The following PRKCH variants were observed in gnomAD, a reference collection of about 807,000 sequenced individuals.
The protein encoded by PRKCH is protein kinase C eta type.
Under a neutral mutation model 82.5 loss-of-function variants are expected in PRKCH, and 28 were observed. The observed-to-expected ratio is 0.34, with a 90% CI of 0.25 to 0.47. The LOEUF (loss-of-function observed/expected upper bound fraction) is 0.47. Ranked by LOEUF, PRKCH falls within the 20% of genes least tolerant of loss-of-function variation. PRKCH has a pLI of 1.00. For missense variants in PRKCH, 705 were observed against 881.8 expected (o/e 0.80, Z 2.54); for synonymous variants, 322 against 327.4 (o/e 0.98, Z 0.18).
chr14:61,382,139 A>G (rs764973876), intron 1 of PRKCH, among the ~76,000 whole-genome samples: 1 of 152,160 alleles, frequency 6.6e-6, no homozygotes, highest in Non-Finnish European at 1.5e-5. Context: ...GTTATTAGAA[A>G]CACAGCCTCA....
At chr14:61,340,128 A>T (rs1303208439) in intron 1 of PRKCH, among the ~76,000 whole-genome samples, 1 of 151,622 alleles carries the variant, frequency 6.6e-6, no homozygotes, top group East Asian at 2.0e-4. Flanking sequence ...CTGTCTGCAG[A>T]TGCCCTTCCC....
rs189349660 is a variant in PRKCH at position 61,312,833 on chromosome 14, G to A, written c.-19+125165G>A. On this transcript the variant is annotated intron_variant, in intron 1 of 3. Coordinates refer to the PRKCH transcript ENST00000555185. Reference sequence around the variant, plus strand: ...GATTATGGGAGCTACAATTCAAGACGCGATCTGGGTGGCACACAGCCAAAC... The same window carrying A: ...GATTATGGGAGCTACAATTCAAGACACGATCTGGGTGGCACACAGCCAAAC... Among the ~76,000 whole-genome samples, 1,047 of 152,094 alleles carry A rather than the reference G, an allele frequency of 6.9e-3. 10 individuals are homozygous for A. Among genetic ancestry groups the A allele is most frequent in the Non-Finnish European group, 8.9e-3 (605 of 67,998 alleles).
At chr14:61,407,008 G>C (rs778809807) in intron 2 of PRKCH, among the ~76,000 whole-genome samples, 9 of 151,972 alleles carry the variant, frequency 5.9e-5, no homozygotes, top group Non-Finnish European at 1.0e-4. Context: ...TTTTTGATCC[G>C]GGGCTGATTT....
intron 9 of PRKCH, among the ~76,000 whole-genome samples, chr14:61,458,667 G>A (rs777679530): frequency 4.6e-5 from 7 of 152,164 alleles, no homozygotes; most frequent in East Asian, 1.9e-4. Flanking sequence ...TCCACAGGCC[G>A]TACAGGAGGC....
chr14:61,188,474 CG>C (rs1273007082), intron 1 of PRKCH, among the ~76,000 whole-genome samples: 1 of 135,348 alleles, frequency 7.4e-6, no homozygotes, highest in Non-Finnish European at 1.6e-5. Context: ...CTCGGGCAGG[CG>C]GCCTTGTGGC....
chr14:61,504,554 C>A lies in PRKCH; in HGVS notation c.1433+18898C>A, dbSNP rs148427146. ...ATACAAAGAGGTGTCTGCATTTCTA[C>A]TTTTTTTTCTTTAAGATGGTAGAAC... On this transcript the variant is annotated intron_variant, in intron 10 of 13. Transcript: ENST00000332981. Among the ~76,000 whole-genome samples the A allele has an allele frequency of 6.2e-3, 940 of 152,142 alleles. 20 individuals are homozygous for A. The highest frequency in any genetic ancestry group is 0.022 in the African/African-American group (893 of 41,480).
In PRKCH at chr14:61,389,872, T is replaced by C. The variant is rs182374920; in HGVS notation, c.364-1353T>C. ...TAGGGGGGCTCTTTCCACTGTACCA[T>C]GTGACTATTTGCAGCTTATTTTAAA... On this transcript the variant is annotated intron_variant, in intron 1 of 13. Coordinates refer to ENST00000332981, the MANE Select transcript of PRKCH (RefSeq NM_006255.5). 6.6e-4 allele frequency among the ~76,000 whole-genome samples: 100 copies of C among 152,238 alleles called. 2 individuals carry two copies. The East Asian group carries it at 8.1e-3, about 12-fold the overall frequency.
chr14:61,445,531 C>T (rs1884179463), intron 3 of PRKCH, among the ~76,000 whole-genome samples, 161 bp from the exon 4 acceptor site: 1 of 152,158 alleles, frequency 6.6e-6, no homozygotes, highest in African/African-American at 2.4e-5. Context: ...TCTGGTGTCT[C>T]ATAGTAACAA....
At chr14:61,390,330 T>G (rs988693060) in intron 1 of PRKCH, among the ~76,000 whole-genome samples, 1 of 152,190 alleles carries the variant, frequency 6.6e-6, no homozygotes. Flanking sequence ...TGTCTTGATA[T>G]TTCAGCTGAT....
intron 2 of PRKCH, among the ~76,000 whole-genome samples, chr14:61,406,339 A>G (rs746472945): frequency 1.6e-3 from 40 of 25,738 alleles, no homozygotes; most frequent in Non-Finnish European, 2.4e-3. Context: ...AGGGGGGCAC[A>G]TGAGACTCAG....
chr14:61,195,944 G>A (rs1039309019), intron 1 of PRKCH, among the ~76,000 whole-genome samples: 1 of 152,144 alleles, frequency 6.6e-6, no homozygotes, highest in Admixed American at 6.5e-5. Context: ...ATTTTGGGGG[G>A]CATGGAAACA....
At position 61,243,362 on chromosome 14, in the gene PRKCH, C is replaced by T. The variant is rs373428295; in HGVS notation, c.-19+55694C>T. 2.1e-4 allele frequency among the ~76,000 whole-genome samples: 26 copies of T among 121,498 alleles called. 2 individuals are homozygous for T. Among genetic ancestry groups the T allele is most frequent in the Admixed American group, 2.0e-3 (19 of 9,292 alleles). The allele number at this position is 121,498 out of a possible 152,430, so 79.7% of individuals were successfully genotyped here. A position where few individuals can be genotyped will look rare whatever the true frequency, so the allele number is the denominator to read the frequency against. On this transcript the variant is annotated intron_variant, in intron 1 of 3. Coordinates refer to the PRKCH transcript ENST00000555185. The stretch of plus-strand genomic sequence containing the variant: ...GCAATGAATGGAGATCGAGCCTGGG[C>T]GACAGAGAAAGACTCTGTCTCAAAA...
intron 2 of PRKCH, among the ~76,000 whole-genome samples, chr14:61,420,459 G>A (rs1007906736): frequency 5.3e-5 from 8 of 152,174 alleles, no homozygotes; most frequent in African/African-American, 1.4e-4. Context: ...GCGGGGAGAC[G>A]CATAGGCTCA....
At chr14:61,214,303 T>C (rs1168721443) in intron 1 of PRKCH, among the ~76,000 whole-genome samples, 2 of 151,480 alleles carry the variant, frequency 1.3e-5, no homozygotes, top group Non-Finnish European at 2.9e-5. Flanking sequence ...AGTGGGAGAG[T>C]AGAAGAAGTG....
intron 1 of PRKCH, among the ~76,000 whole-genome samples, chr14:61,188,741 T>G (rs1468426275): frequency 1.2e-4 from 6 of 49,888 alleles, no homozygotes; most frequent in Non-Finnish European, 2.4e-4. Flanking sequence ...GTGTGTGTGA[T>G]GGAGTTTTGC....
At chr14:61,281,828 G>C (rs2045271137) in intron 1 of PRKCH, 1 of 139,430 alleles carries the variant, frequency 7.2e-6, no homozygotes, top group Non-Finnish European at 1.5e-5. Context: ...ATTACGTTAT[G>C]ATAAATCTGT....
chr14:61,400,114 AC>A (rs1180138567), intron 2 of PRKCH, among the ~76,000 whole-genome samples: 5 of 152,146 alleles, frequency 3.3e-5, no homozygotes, highest in Non-Finnish European at 5.9e-5. Flanking sequence ...TTTTTAGCTC[AC>A]ATTTCTTGTC....
intron 1 of PRKCH, among the ~76,000 whole-genome samples, chr14:61,273,307 C>A (rs2045174402): frequency 6.6e-6 from 1 of 152,130 alleles, no homozygotes; most frequent in African/African-American, 2.4e-5. Flanking sequence ...TGTTATAAAC[C>A]AAACACCAGC....
At chr14:61,320,586 C>A (rs1009853424), upstream of PRKCH, among the ~76,000 whole-genome samples, 1 of 146,298 alleles carries the variant, frequency 6.8e-6, no homozygotes, top group Non-Finnish European at 1.5e-5. Context: ...GCAACAAAAG[C>A]GAAACTCCGT....
Sources: allele counts gnomAD v4.1 joint callset (sites outside exome capture counted in the v4.1 genomes callset), GRCh38; gene constraint gnomAD v4.1.1; transcripts MANE v1.5; gene names NCBI Gene and HGNC (gene_info 2026-07-23, HGNC 2026-07-21).